TBC1D22A: variants seen among roughly 807,000 people sequenced by gnomAD.
The protein encoded by TBC1D22A is putative GTPase activator.
In TBC1D22A, 38 loss-of-function variants were observed where a neutral mutation model predicts 60.2. That is an observed-to-expected ratio of 0.63 (90% CI 0.49 to 0.83). The LOEUF is 0.83. Ranked by LOEUF, TBC1D22A falls within the 40% of genes least tolerant of loss-of-function variation. The probability of loss-of-function intolerance (pLI) is 0.00; values close to 1 mark genes in which losing one functional copy is unlikely to be tolerated. For missense variants in TBC1D22A, 628 were observed against 701.0 expected (o/e 0.90, Z 1.18); for synonymous variants, 302 against 281.7 (o/e 1.07, Z -0.72).
At chr22:47,039,511 A>G (rs1414015675) in intron 11 of TBC1D22A, among the ~76,000 whole-genome samples, 1 of 151,998 alleles carries the variant, frequency 6.6e-6, no homozygotes, top group Non-Finnish European at 1.5e-5. Flanking sequence ...GTGTCAATAA[A>G]AGGTTGTTTA....
At chr22:46,970,253 T>C (rs2073995022) in intron 8 of TBC1D22A, among the ~76,000 whole-genome samples, 1 of 149,576 alleles carries the variant, frequency 6.7e-6, no homozygotes, top group Admixed American at 6.6e-5. Context: ...CAGCCATGGC[T>C]GTCATTTCAT....
At chr22:46,929,793 A>T (rs2071251702) in intron 8 of TBC1D22A, among the ~76,000 whole-genome samples, 1 of 152,160 alleles carries the variant, frequency 6.6e-6, no homozygotes, top group Non-Finnish European at 1.5e-5. Flanking sequence ...TTGGATTGGA[A>T]TCCGTGGACT....
At chr22:47,025,209 G>GA (rs2062215586) in intron 10 of TBC1D22A, among the ~76,000 whole-genome samples, 1 of 152,172 alleles carries the variant, frequency 6.6e-6, no homozygotes, top group Non-Finnish European at 1.5e-5. Flanking sequence ...AGAACAAGTA[G>GA]AAAATCAGGT....
intron 4 of TBC1D22A, among the ~76,000 whole-genome samples, chr22:46,829,727 A>C (rs2147146796): frequency 6.6e-6 from 1 of 152,250 alleles, no homozygotes; most frequent in Non-Finnish European, 1.5e-5. Context: ...TATGCCTCCA[A>C]AAGGTCTTCT....
chr22:47,023,349 C>G (rs1013408091), intron 10 of TBC1D22A, among the ~76,000 whole-genome samples: 1 of 152,136 alleles, frequency 6.6e-6, no homozygotes, highest in Admixed American at 6.5e-5. Context: ...TGAACAGAGT[C>G]AGTGAACTGT....
intron 10 of TBC1D22A, among the ~76,000 whole-genome samples, chr22:46,998,889 G>T (rs1246573697): frequency 1.3e-5 from 2 of 152,228 alleles, no homozygotes; most frequent in Non-Finnish European, 2.9e-5. Flanking sequence ...CTCACCGCAC[G>T]CTCCACCGCG....
At chr22:46,782,982 T>A (rs915919350) in intron 1 of TBC1D22A, among the ~76,000 whole-genome samples, 3 of 152,184 alleles carry the variant, frequency 2.0e-5, no homozygotes, top group Admixed American at 1.3e-4. Flanking sequence ...CGAGTGGAAT[T>A]GATGGGTCAT....
At chr22:46,914,979 T>G in intron 8 of TBC1D22A, 1 of 197,472 alleles carries the variant, frequency 5.1e-6, no homozygotes, top group Non-Finnish European at 1.1e-5. Context: ...TCTCGCGGGA[T>G]GAGGAGGAGG....
chr22:47,114,765 C>A (rs1464008904), intron 12 of TBC1D22A, among the ~76,000 whole-genome samples: 1 of 152,084 alleles, frequency 6.6e-6, no homozygotes, highest in South Asian at 2.1e-4. Flanking sequence ...TCCACAGGAA[C>A]AGAATCCTTT....
rs8142184 is a variant in TBC1D22A at position 46,893,231 on chromosome 22, A to G, written c.838-1553A>G. Among the ~76,000 whole-genome samples the G allele has an allele frequency of 3.2e-3, 491 of 152,352 alleles. 2 individuals are homozygous for G. Among genetic ancestry groups the G allele is most frequent in the African/African-American group, 0.011 (466 of 41,580 alleles). On this transcript the variant is annotated intron_variant, in intron 6 of 12. Coordinates refer to ENST00000337137, the MANE Select transcript of TBC1D22A (RefSeq NM_014346.5). ...GCTGAAGATGCTGTGTCAAAGCCACATGGAGAGCCACATGGAGTCAGAGTT... is the reference window on the plus strand; with the variant it reads ...GCTGAAGATGCTGTGTCAAAGCCACGTGGAGAGCCACATGGAGTCAGAGTT...
intron 11 of TBC1D22A, among the ~76,000 whole-genome samples, chr22:47,058,600 G>A (rs921577994): frequency 6.6e-6 from 1 of 151,818 alleles, no homozygotes; most frequent in African/African-American, 2.4e-5. Flanking sequence ...CTGTCCCCTG[G>A]TTCCGAGTTA....
chr22:46,787,632 A>G (rs1298359417), intron 1 of TBC1D22A, among the ~76,000 whole-genome samples: 1 of 152,252 alleles, frequency 6.6e-6, no homozygotes, highest in Non-Finnish European at 1.5e-5. Context: ...TGAAATGATA[A>G]CAGTGTAAAC....
intron 8 of TBC1D22A, among the ~76,000 whole-genome samples, chr22:46,963,430 T>C (rs2148068887): frequency 1.1e-5 from 1 of 95,198 alleles, no homozygotes; most frequent in Non-Finnish European, 2.2e-5. Context: ...GCCTCCACGA[T>C]TGTGTGGTGT....
intron 10 of TBC1D22A, among the ~76,000 whole-genome samples, chr22:47,035,093 C>T (rs1057182571): frequency 1.3e-5 from 2 of 152,146 alleles, no homozygotes; most frequent in African/African-American, 2.4e-5. Context: ...TGCGCCAGAC[C>T]TCTTCATAAA....
chr22:47,152,726 G>A (rs190174929), intron 12 of TBC1D22A, among the ~76,000 whole-genome samples: 64 of 152,292 alleles, frequency 4.2e-4, no homozygotes, highest in African/African-American at 1.4e-3. Context: ...GAAAGGTGGC[G>A]TTTTCCCATT....
At chr22:46,856,498 C>G (rs2087575537) in intron 4 of TBC1D22A, among the ~76,000 whole-genome samples, 1 of 152,162 alleles carries the variant, frequency 6.6e-6, no homozygotes, top group Non-Finnish European at 1.5e-5. Flanking sequence ...AGATTTTTAA[C>G]ATGAAATAGC....
At chr22:47,060,970 C>G (rs1178521570) in intron 11 of TBC1D22A, among the ~76,000 whole-genome samples, 3 of 152,244 alleles carry the variant, frequency 2.0e-5, no homozygotes, top group African/African-American at 7.2e-5. Flanking sequence ...TTTGCAGCCC[C>G]TGGAATGACA....
intron 11 of TBC1D22A, among the ~76,000 whole-genome samples, chr22:47,072,003 T>C (rs374964754): frequency 3.3e-5 from 5 of 152,304 alleles, no homozygotes; most frequent in African/African-American, 1.2e-4. Flanking sequence ...GTTCCCTTGG[T>C]CTTTACGAGT....
chr22:46,991,986 T>A (rs2148211322), intron 9 of TBC1D22A, among the ~76,000 whole-genome samples: 1 of 152,308 alleles, frequency 6.6e-6, no homozygotes, highest in East Asian at 1.9e-4. Flanking sequence ...GCTATGATGG[T>A]GTGGCCACCC....
Sources: gnomAD v4.1 joint callset for allele counts (sites outside exome capture counted in the v4.1 genomes callset) on GRCh38, gnomAD v4.1.1 for gene constraint, MANE v1.5 for transcripts, NCBI Gene and HGNC (gene_info 2026-07-23, HGNC 2026-07-21) for gene names.